Variants in UNC13C observed in about 807,000 individuals in gnomAD.
The protein encoded by UNC13C is unc-13 homolog C, also known as protein unc-13 homolog C.
In UNC13C, 174 loss-of-function variants were observed where a neutral mutation model predicts 245.4. The observed-to-expected ratio is 0.71, with a 90% CI of 0.63 to 0.80. The LOEUF (loss-of-function observed/expected upper bound fraction) is 0.80. Ranked by LOEUF, UNC13C falls within the 30% of genes least tolerant of loss-of-function variation. The pLI is 0.00. For synonymous variants in UNC13C, 992 were observed against 895.1 expected (o/e 1.11, Z -1.93); for missense variants, 2,829 against 2,602.9 (o/e 1.09, Z -1.89).
intron 4 of UNC13C, among the ~76,000 whole-genome samples, chr15:54,200,340 TACTTGCAG>T (rs1277882005): frequency 5.3e-5 from 8 of 152,162 alleles, no homozygotes; most frequent in African/African-American, 1.9e-4. Context: ...TCTTAATAGA[TACTTGCAG>T]AACTTTCTAC....
intron 18 of UNC13C, among the ~76,000 whole-genome samples, chr15:54,410,471 A>C (rs35681861): frequency 0.51 from 78,004 of 151,692 alleles, 20,259 homozygotes; most frequent in East Asian, 0.65. Flanking sequence ...GGCATTTTCT[A>C]GGTGTTCTTC....
intron 19 of UNC13C, among the ~76,000 whole-genome samples, chr15:54,446,959 CATCCCATCA>C (rs1890850938): frequency 6.6e-6 from 1 of 152,084 alleles, no homozygotes; most frequent in Non-Finnish European, 1.5e-5. Flanking sequence ...TTTTGAGATA[CATCCCATCA>C]ATACCTAATT....
intron 13 of UNC13C, chr15:54,321,581 G>T: frequency 7.8e-6 from 3 of 382,578 alleles, no homozygotes; most frequent in South Asian, 6.7e-5. Flanking sequence ...TCACCCCTCA[G>T]ACTCACATTA....
intron 21 of UNC13C, among the ~76,000 whole-genome samples, chr15:54,500,548 C>T (rs1462802903): frequency 2.6e-5 from 4 of 152,120 alleles, no homozygotes; most frequent in South Asian, 2.1e-4. Context: ...GAGCCACAAC[C>T]GTCTTGCTAA....
chr15:54,216,781 C>T (rs755627163), intron 4 of UNC13C, among the ~76,000 whole-genome samples: 3 of 151,930 alleles, frequency 2.0e-5, no homozygotes, highest in South Asian at 2.1e-4. Flanking sequence ...GCCTCACAAG[C>T]GTGAACATTG....
At chr15:53,996,131 G>C (rs905637091) in intron 1 of UNC13C, among the ~76,000 whole-genome samples, 1 of 152,224 alleles carries the variant, frequency 6.6e-6, no homozygotes, top group Non-Finnish European at 1.5e-5. Flanking sequence ...ATTCCATTAA[G>C]AGAACAGGAA....
chr15:54,082,964 G>T (rs1025575745), intron 2 of UNC13C, among the ~76,000 whole-genome samples: 1 of 151,768 alleles, frequency 6.6e-6, no homozygotes, highest in Non-Finnish European at 1.5e-5. Context: ...GGGTGTGGAG[G>T]TCTCAGGGAG....
chr15:54,002,741 G>T (rs1454575422), intron 1 of UNC13C, among the ~76,000 whole-genome samples: 1 of 152,158 alleles, frequency 6.6e-6, no homozygotes, highest in African/African-American at 2.4e-5. Context: ...ATCTCAAACA[G>T]TTTCCAATTC....
chr15:54,084,670 A>G (rs1004027275), intron 2 of UNC13C, among the ~76,000 whole-genome samples: 29 of 152,344 alleles, frequency 1.9e-4, no homozygotes, highest in African/African-American at 5.8e-4. Flanking sequence ...TTCAATAAGA[A>G]AGTATACATA....
the UNC13C span, among the ~76,000 whole-genome samples, chr15:53,945,686 C>A: frequency 6.6e-6 from 1 of 151,788 alleles, no homozygotes; most frequent in Non-Finnish European, 1.5e-5. Flanking sequence ...GTGATGCCAC[C>A]AGCTTTGGTC....
intron 17 of UNC13C, among the ~76,000 whole-genome samples, chr15:54,383,931 C>G (rs2039781490): frequency 1.3e-5 from 2 of 151,722 alleles, no homozygotes; most frequent in South Asian, 4.2e-4. Flanking sequence ...CAAAAAAATA[C>G]CTAGGAATAA....
At chr15:53,976,527 A>G (rs953794425), upstream of UNC13C, among the ~76,000 whole-genome samples, 2 of 119,210 alleles carry the variant, frequency 1.7e-5, no homozygotes, top group Non-Finnish European at 3.2e-5. Flanking sequence ...GCTGGAGTGC[A>G]ATGGCGCGAT....
At chr15:54,257,962 A>G (rs1285084031) in intron 8 of UNC13C, among the ~76,000 whole-genome samples, 4 of 152,192 alleles carry the variant, frequency 2.6e-5, no homozygotes, top group Non-Finnish European at 5.9e-5. Flanking sequence ...AGACAATGAA[A>G]GCAGGCCCAC....
chr15:54,364,296 ACC>A (rs10582819), intron 17 of UNC13C, among the ~76,000 whole-genome samples: 82,311 of 151,878 alleles, frequency 0.54, 22,793 homozygotes, highest in East Asian at 0.85. Flanking sequence ...CCAAAAAATG[ACC>A]CCCCCCCAAG....
At chr15:53,972,143 G>A in the UNC13C span, among the ~76,000 whole-genome samples, 1 of 152,174 alleles carries the variant, frequency 6.6e-6, no homozygotes, top group Non-Finnish European at 1.5e-5. Flanking sequence ...TTTGCTGAAG[G>A]AGAGAGAAAA....
intron 2 of UNC13C, among the ~76,000 whole-genome samples, chr15:54,054,694 T>C (rs1336561274): frequency 1.3e-5 from 2 of 152,222 alleles, no homozygotes; most frequent in East Asian, 3.8e-4. Flanking sequence ...TTTTCAACTA[T>C]AAAGGCATAT....
chr15:54,186,872 A>G (rs1555428691), intron 4 of UNC13C, among the ~76,000 whole-genome samples: 1 of 123,990 alleles, frequency 8.1e-6, no homozygotes, highest in Non-Finnish European at 1.9e-5. Flanking sequence ...TTTTTGAGAC[A>G]GAGTCTTGCT....
chr15:54,552,544 T>TAA (rs1896824905), intron 28 of UNC13C, among the ~76,000 whole-genome samples: 1 of 82,894 alleles, frequency 1.2e-5, no homozygotes, highest in Non-Finnish European at 2.1e-5. Context: ...TAATTATATA[T>TAA]TATATTGTAT....
At chr15:54,263,440 G>A (rs749050508) in intron 8 of UNC13C, among the ~76,000 whole-genome samples, 4 of 152,114 alleles carry the variant, frequency 2.6e-5, no homozygotes, top group Non-Finnish European at 5.9e-5. Flanking sequence ...TGGAATTTTA[G>A]AAATCTCTCA....
Sources: allele counts gnomAD v4.1 joint callset (sites outside exome capture counted in the v4.1 genomes callset), GRCh38; gene constraint gnomAD v4.1.1; transcripts MANE v1.5; gene names NCBI Gene and HGNC (gene_info 2026-07-23, HGNC 2026-07-21).